Variants in TBC1D19 observed in about 807,000 individuals in gnomAD.
TBC1D19 encodes TBC1 domain family, member 19.
TBC1D19 carries 60 observed loss-of-function variants against 89.0 expected under a neutral mutation model. The ratio of observed to expected loss-of-function variants is 0.67; its 90% CI spans 0.55 to 0.84. TBC1D19 has a LOEUF of 0.84. Ranked by LOEUF, TBC1D19 falls within the 40% of genes least tolerant of loss-of-function variation. The pLI, the probability that TBC1D19 is intolerant of heterozygous loss-of-function variation, is 0.00. For synonymous variants in TBC1D19, 189 were observed against 199.7 expected, an observed-to-expected ratio of 0.95 and a Z score of 0.45; for missense variants, 500 against 610.8, an observed-to-expected ratio of 0.82 and a Z score of 1.91.
the TBC1D19 span, among the ~76,000 whole-genome samples, chr4:26,829,346 T>C: frequency 2.2e-4 from 33 of 152,280 alleles, no homozygotes. Flanking sequence ...AAAAACACAT[T>C]TCAGATTTAG....
intron 20 of TBC1D19, 124 bp downstream of exon 20, chr4:26,754,014 C>T: frequency 1.1e-6 from 1 of 921,740 alleles, no homozygotes; most frequent in Non-Finnish European, 1.7e-6. Flanking sequence ...TCGGGTAAAA[C>T]CTGTTAAGTT....
Position 26,640,940 on chromosome 4 carries a change from C to T in TBC1D19, c.480+753C>T, listed in dbSNP as rs898512721. Among the ~76,000 whole-genome samples, 3 of 152,230 alleles carry T rather than the reference C, an allele frequency of 2.0e-5. No homozygotes were observed. The South Asian group carries it at 6.2e-4, about 32-fold the overall frequency. On this transcript the variant is annotated intron_variant, in intron 7 of 20. Coordinates refer to ENST00000264866, the MANE Select transcript of TBC1D19 (RefSeq NM_018317.4). ...CCCACCACAGCTCAACGAGGCCTGCCTGCCTCTGTAGACTCCATCTCTGGG... is the reference window on the plus strand; with the variant it reads ...CCCACCACAGCTCAACGAGGCCTGCTTGCCTCTGTAGACTCCATCTCTGGG...
At chr4:26,734,026 G>C (rs1717820503) in intron 15 of TBC1D19, among the ~76,000 whole-genome samples, 1 of 152,202 alleles carries the variant, frequency 6.6e-6, no homozygotes, top group Admixed American at 6.5e-5. Flanking sequence ...GATGGTGATA[G>C]AGCAGGAGAG....
chr4:26,808,571 C>CA, the TBC1D19 span, among the ~76,000 whole-genome samples: 172 of 151,264 alleles, frequency 1.1e-3, no homozygotes, highest in South Asian at 4.4e-3. Flanking sequence ...TACTAAAATA[C>CA]AAAAAAAATT....
the TBC1D19 span, among the ~76,000 whole-genome samples, chr4:26,777,135 C>CT: frequency 1.4e-3 from 167 of 122,670 alleles, 1 homozygote; most frequent in African/African-American, 4.4e-3. Context: ...TCTCTCTCTT[C>CT]TTTTTTTTTT....
chr4:26,826,761 G>A, the TBC1D19 span, among the ~76,000 whole-genome samples: 1 of 152,220 alleles, frequency 6.6e-6, no homozygotes, highest in Non-Finnish European at 1.5e-5. Flanking sequence ...CTTCATGAGG[G>A]TTACTGCCCC....
the TBC1D19 span, among the ~76,000 whole-genome samples, chr4:26,851,782 T>C: frequency 6.6e-6 from 1 of 152,260 alleles, no homozygotes; most frequent in East Asian, 1.9e-4. Context: ...AATGGTACGA[T>C]CTTGGCTTAC....
chr4:26,741,272 C>A (rs1207328345), intron 17 of TBC1D19, among the ~76,000 whole-genome samples: 3 of 144,364 alleles, frequency 2.1e-5, no homozygotes, highest in Non-Finnish European at 3.0e-5. Context: ...AGGAGAATGG[C>A]GTGAACCCGG....
intron 15 of TBC1D19, among the ~76,000 whole-genome samples, chr4:26,734,932 G>GTATACACATA (rs1560503646): frequency 6.4e-5 from 4 of 62,330 alleles, no homozygotes; most frequent in African/African-American, 1.7e-4. Flanking sequence ...ACACATATAT[G>GTATACACATA]TGTGTATATA....
intron 13 of TBC1D19, among the ~76,000 whole-genome samples, chr4:26,711,002 T>A (rs1716149476): frequency 6.6e-6 from 1 of 152,238 alleles, no homozygotes; most frequent in Non-Finnish European, 1.5e-5. Flanking sequence ...GATGGTGGTT[T>A]CTTTTGCTGT....
At chr4:26,757,456 C>T (rs1446598969), downstream of TBC1D19, among the ~76,000 whole-genome samples, 1 of 152,214 alleles carries the variant, frequency 6.6e-6, no homozygotes, top group Non-Finnish European at 1.5e-5. Flanking sequence ...TTGGAGTAAA[C>T]AGTGATACAT....
the TBC1D19 span, among the ~76,000 whole-genome samples, chr4:26,832,871 G>C: frequency 6.6e-6 from 1 of 152,134 alleles, no homozygotes; most frequent in East Asian, 1.9e-4. Context: ...GCATGTGCCT[G>C]TAATCCCAGC....
chr4:26,695,321 G>T (rs1440584402), intron 13 of TBC1D19, among the ~76,000 whole-genome samples: 1 of 152,180 alleles, frequency 6.6e-6, no homozygotes, highest in Admixed American at 6.5e-5. Context: ...AGAATAAAAA[G>T]AAATGTCAAC....
chr4:26,857,833 C>T, the TBC1D19 span: 1 of 152,494 alleles, frequency 6.6e-6, no homozygotes, highest in East Asian at 1.9e-4. Context: ...GAAGGGCAGG[C>T]TTGCCTCTGG....
At chr4:26,835,569 G>A in the TBC1D19 span, among the ~76,000 whole-genome samples, 1 of 152,114 alleles carries the variant, frequency 6.6e-6, no homozygotes, top group Non-Finnish European at 1.5e-5. Flanking sequence ...AGCCATCCTT[G>A]ACTCCGTTTC....
At chr4:26,769,914 A>G in the TBC1D19 span, among the ~76,000 whole-genome samples, 1 of 152,262 alleles carries the variant, frequency 6.6e-6, no homozygotes, top group Admixed American at 6.6e-5. Context: ...TAAGTTAAAT[A>G]CGTATATTTT....
the TBC1D19 span, among the ~76,000 whole-genome samples, chr4:26,790,635 A>G: frequency 6.6e-6 from 1 of 152,224 alleles, no homozygotes; most frequent in Non-Finnish European, 1.5e-5. Flanking sequence ...TTTATTTCTT[A>G]GATTATCACC....
At chr4:26,773,836 T>G in the TBC1D19 span, among the ~76,000 whole-genome samples, 16 of 152,176 alleles carry the variant, frequency 1.1e-4, no homozygotes, top group South Asian at 2.1e-4. Context: ...TGTCTGTTCT[T>G]GTACCAGTAC....
chr4:26,663,819 G>A (rs567309048), intron 8 of TBC1D19, among the ~76,000 whole-genome samples: 2 of 152,250 alleles, frequency 1.3e-5, no homozygotes, highest in South Asian at 4.1e-4. Flanking sequence ...ATTGAACTTG[G>A]TGAGGCTCAG....
Sources: allele counts gnomAD v4.1 joint callset (sites outside exome capture counted in the v4.1 genomes callset), GRCh38; gene constraint gnomAD v4.1.1; transcripts MANE v1.5; gene names NCBI Gene and HGNC (gene_info 2026-07-23, HGNC 2026-07-21).